Variants in WDR64 observed in about 807,000 individuals in gnomAD.
The protein encoded by WDR64 is WD repeat domain 64.
In WDR64, 112 loss-of-function variants were observed where a neutral mutation model predicts 139.3. The ratio of observed to expected loss-of-function variants is 0.80; its 90% CI spans 0.69 to 0.94. WDR64 has a LOEUF of 0.94. WDR64 is among the 40% of genes least tolerant of loss of function. The pLI, the probability that WDR64 is intolerant of heterozygous loss-of-function variation, is 0.00. For synonymous variants in WDR64, 444 were observed against 437.7 expected, an observed-to-expected ratio of 1.01 and a Z score of -0.18; for missense variants, 1,206 against 1,293.1, an observed-to-expected ratio of 0.93 and a Z score of 1.03.
chr1:241,744,773 G>T (rs1157113556), intron 13 of WDR64, among the ~76,000 whole-genome samples: 1 of 152,178 alleles, frequency 6.6e-6, no homozygotes, highest in Non-Finnish European at 1.5e-5. Context: ...GAAGTCTTTT[G>T]CATATGACAT....
chr1:241,748,368 C>T (rs1449790539), intron 13 of WDR64, among the ~76,000 whole-genome samples: 2 of 152,192 alleles, frequency 1.3e-5, no homozygotes, highest in African/African-American at 2.4e-5. Flanking sequence ...GATCAAGGCG[C>T]TGGCAGATCT....
At position 241,703,177 on chromosome 1, in the gene WDR64, G is replaced by T. The variant is rs1049049560; in HGVS notation, c.975-8625G>T. ...ACCAACTACCTCACCGTCACCGGGA[G>T]AAAATATCGAGGGACTCTGCTGACT... On this transcript the variant is annotated intron_variant, in intron 8 of 27. Coordinates refer to ENST00000437684, the MANE Select transcript of WDR64 (RefSeq NM_001367482.1). This position sits in a 1 kb window ranked among gnomAD's most constrained non-coding sequence, Gnocchi z 5.9. 2.0e-5 allele frequency among the ~76,000 whole-genome samples: 3 copies of T among 152,148 alleles called. No individual in the cohort carries two copies. Among genetic ancestry groups the T allele is most frequent in the Non-Finnish European group, 4.4e-5 (3 of 68,030 alleles).
chr1:241,666,152 G>C (rs1378780577), intron 2 of WDR64, among the ~76,000 whole-genome samples: 2 of 152,020 alleles, frequency 1.3e-5, no homozygotes, highest in Admixed American at 6.6e-5. Context: ...CACTCTAATA[G>C]TCATAATATA....
intron 1 of WDR64, among the ~76,000 whole-genome samples, chr1:241,658,380 T>C (rs1665691702): frequency 6.6e-6 from 1 of 151,886 alleles, no homozygotes; most frequent in Admixed American, 6.6e-5. Context: ...CTCACATCTG[T>C]AATCCCAGCA....
intron 27 of WDR64, among the ~76,000 whole-genome samples, chr1:241,799,202 C>CAAAAAAAAAAAAAA (rs4046210): frequency 0.024 from 799 of 33,014 alleles, 91 homozygotes; most frequent in African/African-American, 0.046. Flanking sequence ...TTTGTCTCTC[C>CAAAAAAAAAAAAAA]AAAAAAAAAA....
intron 8 of WDR64, among the ~76,000 whole-genome samples, chr1:241,705,951 T>C (rs1667937863): frequency 6.6e-6 from 1 of 152,166 alleles, no homozygotes; most frequent in Admixed American, 6.5e-5. Flanking sequence ...CCCTGGGCAT[T>C]TTTGCCTTTA....
At chr1:241,733,221 TC>T (rs959669327) in intron 10 of WDR64, among the ~76,000 whole-genome samples, 4 of 152,280 alleles carry the variant, frequency 2.6e-5, no homozygotes, top group African/African-American at 9.6e-5. Context: ...ACACCTGTAA[TC>T]CCAGCACTTT....
chr1:241,783,183 T>G, intron 22 of WDR64, 89 bp from the exon 23 acceptor site: 2 of 1,128,392 alleles, frequency 1.8e-6, no homozygotes, highest in Middle Eastern at 4.6e-4. Context: ...ACTCATAAGC[T>G]TGGCTCAATG....
chr1:241,782,451 C>A (rs945710435), intron 22 of WDR64, among the ~76,000 whole-genome samples: 1 of 152,184 alleles, frequency 6.6e-6, no homozygotes, highest in Non-Finnish European at 1.5e-5. Flanking sequence ...ACTGCCAGGA[C>A]TGTCATCACA....
chr1:241,672,291 GA>G (rs1018922710), intron 3 of WDR64, among the ~76,000 whole-genome samples: 2 of 150,374 alleles, frequency 1.3e-5, no homozygotes, highest in African/African-American at 4.9e-5. Context: ...ATGGGAACTA[GA>G]AAAAAAAAGA....
intron 24 of WDR64, 119 bp from the exon 25 acceptor site, chr1:241,790,472 G>A (rs1659182794): frequency 2.6e-6 from 2 of 770,120 alleles, no homozygotes; most frequent in East Asian, 5.0e-5. Flanking sequence ...CTGTCATTGG[G>A]ACTGATGCCA....
chr1:241,715,266 G>A (rs1479495081), intron 9 of WDR64, among the ~76,000 whole-genome samples: 1 of 152,134 alleles, frequency 6.6e-6, no homozygotes, highest in Admixed American at 6.6e-5. Flanking sequence ...CCATACTGAA[G>A]TCTAGAAGAC....
rs1658789883 is a variant in WDR64, at chr1:241,780,008, A to T, written c.2541A>T (p.Gly847=). 2 of 1,590,838 alleles carry T rather than the reference A, an allele frequency of 1.3e-6. No individual in the cohort carries two copies. Among genetic ancestry groups the T allele is most frequent in the South Asian group, 2.3e-5 (2 of 86,522 alleles). ...TRILLAGNVE[G]HVILCNISSF... ...CAATGTTTAAATTTTATACAGAAGG[A>T]CATGTTATCCTTTGCAATATTAGCT... Residue 847 remains glycine (G), a synonymous_variant, in exon 22 of 28, where the codon GGA becomes GGT. Coordinates refer to ENST00000437684, the MANE Select transcript of WDR64 (RefSeq NM_001367482.1).
At chr1:241,742,552 C>T (rs1056479247) in intron 12 of WDR64, among the ~76,000 whole-genome samples, 2 of 152,146 alleles carry the variant, frequency 1.3e-5, no homozygotes, top group Non-Finnish European at 2.9e-5. Context: ...GTCATGGCAA[C>T]GTCGGGAAGT....
intron 8 of WDR64, among the ~76,000 whole-genome samples, chr1:241,705,983 C>T (rs1223952466): frequency 6.6e-6 from 1 of 152,100 alleles, no homozygotes; most frequent in South Asian, 2.1e-4. Context: ...CACCATAATA[C>T]TATCAATCTT....
At chr1:241,796,114 G>T (rs866824207) in intron 26 of WDR64, 143 bp from the exon 27 acceptor site, 2 of 452,102 alleles carry the variant, frequency 4.4e-6, no homozygotes, top group Middle Eastern at 3.4e-4. Flanking sequence ...ATAAAATAAA[G>T]ATTTAATGCT....
intron 9 of WDR64, among the ~76,000 whole-genome samples, chr1:241,718,955 C>A (rs1574038945): frequency 6.6e-6 from 1 of 152,192 alleles, no homozygotes; most frequent in East Asian, 1.9e-4. Flanking sequence ...CTCCCAAAGG[C>A]CCCCCATTTC....
intron 8 of WDR64, among the ~76,000 whole-genome samples, chr1:241,693,024 A>G (rs1667357077): frequency 1.3e-5 from 2 of 152,214 alleles, no homozygotes; most frequent in African/African-American, 4.8e-5. Flanking sequence ...AAAATGAAAC[A>G]TACCCTTACT....
At chr1:241,799,376 C>CAA (rs146121342) in intron 27 of WDR64, among the ~76,000 whole-genome samples, 9 of 104,020 alleles carry the variant, frequency 8.7e-5, no homozygotes, top group South Asian at 8.5e-4. Context: ...AACTCTGTCT[C>CAA]AAAAAAAAAA....
Sources: gnomAD v4.1 joint callset for allele counts (sites outside exome capture counted in the v4.1 genomes callset) on GRCh38, gnomAD v4.1.1 for gene constraint, Gnocchi (gnomAD v3.1) non-coding constraint, MANE v1.5 for transcripts, NCBI Gene and HGNC (gene_info 2026-07-23, HGNC 2026-07-21) for gene names.